GPC6: variants seen among roughly 807,000 people sequenced by gnomAD.
GPC6 encodes glypican-6.
Under a neutral mutation model 55.2 loss-of-function variants are expected in GPC6, and 14 were observed. That is an observed-to-expected ratio of 0.25 (90% CI 0.17 to 0.40). The LOEUF is 0.40. GPC6 is among the 10% of genes least tolerant of loss of function. The probability of loss-of-function intolerance (pLI) is 1.00; values close to 1 mark genes in which losing one functional copy is unlikely to be tolerated. For missense variants in GPC6, 641 were observed against 708.5 expected (o/e 0.90, Z 1.08); for synonymous variants, 278 against 259.6 (o/e 1.07, Z -0.68).
chr13:93,536,873 C>T (rs552785929), intron 1 of GPC6, among the ~76,000 whole-genome samples: 3 of 152,160 alleles, frequency 2.0e-5, no homozygotes, highest in Admixed American at 2.0e-4. Context: ...AGTTTATATA[C>T]ACACATGCAT....
intron 4 of GPC6, among the ~76,000 whole-genome samples, chr13:94,143,802 G>A (rs1197289510): frequency 1.3e-5 from 2 of 152,104 alleles, no homozygotes; most frequent in Non-Finnish European, 2.9e-5. Flanking sequence ...AATTGCTTGA[G>A]CAATTCTGAG....
intron 4 of GPC6, among the ~76,000 whole-genome samples, chr13:94,232,838 A>G (rs61964491): frequency 0.11 from 17,075 of 152,052 alleles, 1,460 homozygotes; most frequent in African/African-American, 0.24. Flanking sequence ...AGGAGTAGAA[A>G]GGACTCTAGT....
rs188629335 is a variant in GPC6 at position 93,597,911 on chromosome 13, C to T, written c.319+52490C>T. 1.8e-3 allele frequency among the ~76,000 whole-genome samples: 271 copies of T among 151,946 alleles called. 1 individual carries two copies. The highest frequency in any genetic ancestry group is 5.6e-3 in the African/African-American group (232 of 41,468). ...CTGTAATCCAAGCACTTTGGGAGGC[C>T]GAGGCAGGCGGACCAGGAGGTCAGG... is the stretch of plus-strand genomic sequence containing the variant. On this transcript the variant is annotated intron_variant, in intron 2 of 8. Transcript: ENST00000377047.
chr13:93,682,333 A>T (rs768385717), intron 2 of GPC6, among the ~76,000 whole-genome samples: 1 of 152,204 alleles, frequency 6.6e-6, no homozygotes, highest in Non-Finnish European at 1.5e-5. Flanking sequence ...CCTACCAGTG[A>T]TCCCACTGGG....
Position 93,541,635 on chromosome 13 carries a change from TC to T in GPC6, c.161-3625del, listed in dbSNP as rs555284110. Among the ~76,000 whole-genome samples, 750 of 119,918 alleles carry T rather than the reference TC, an allele frequency of 6.3e-3. 4 individuals carry two copies. The highest frequency in any genetic ancestry group is 0.022 in the African/African-American group (700 of 31,188). 78.7% of individuals were successfully genotyped at this position (119,918 alleles called of 152,430 possible). On this transcript the variant is annotated intron_variant, in intron 1 of 8. Coordinates refer to ENST00000377047, the MANE Select transcript of GPC6 (RefSeq NM_005708.5). ...CCACAATGGTTGAACTAGTTTACAGTCCCACCAACAGTGTAAAAGTGTTCCT... is the reference window on the plus strand; with the variant it reads ...CCACAATGGTTGAACTAGTTTACAGTCCACCAACAGTGTAAAAGTGTTCCT...
chr13:93,426,734 G>A (rs1265554496), intron 1 of GPC6, among the ~76,000 whole-genome samples: 3 of 152,080 alleles, frequency 2.0e-5, no homozygotes, highest in Non-Finnish European at 2.9e-5. Flanking sequence ...ATGATTTATA[G>A]TCCTTTGGGT....
intron 2 of GPC6, among the ~76,000 whole-genome samples, chr13:93,791,655 G>T (rs2138923363): frequency 6.6e-6 from 1 of 150,970 alleles, no homozygotes; most frequent in Non-Finnish European, 1.5e-5. Flanking sequence ...AAAACATCTT[G>T]AGTTATCTTA....
intron 1 of GPC6, among the ~76,000 whole-genome samples, chr13:93,340,478 A>T (rs984761310): frequency 6.6e-6 from 1 of 152,248 alleles, no homozygotes; most frequent in Admixed American, 6.5e-5. Flanking sequence ...TAAATAAAAG[A>T]AAGTAATTTT....
In GPC6 at chr13:93,516,492, C is replaced by T. The variant is rs11843472; in HGVS notation, c.161-28771C>T. 2.4e-3 allele frequency among the ~76,000 whole-genome samples: 371 copies of T among 152,146 alleles called. 1 individual carries two copies. Among genetic ancestry groups the T allele is most frequent in the African/African-American group, 8.8e-3 (364 of 41,520 alleles). Reference sequence around the variant, plus strand: ...AGTGGGGCACAGGTACAATTGGAAACAAGCTGTGAATACATTTTTCAAGAG... The same window carrying T: ...AGTGGGGCACAGGTACAATTGGAAATAAGCTGTGAATACATTTTTCAAGAG... On this transcript the variant is annotated intron_variant, in intron 1 of 8. Transcript: ENST00000377047.
chr13:93,720,881 T>C (rs1883433008), intron 2 of GPC6, among the ~76,000 whole-genome samples: 1 of 152,048 alleles, frequency 6.6e-6, no homozygotes, highest in Non-Finnish European at 1.5e-5. Flanking sequence ...CAGTTTTTAG[T>C]GAGTTTCTTA....
intron 4 of GPC6, among the ~76,000 whole-genome samples, chr13:94,224,339 T>C (rs1190563984): frequency 6.6e-6 from 1 of 150,714 alleles, no homozygotes; most frequent in Non-Finnish European, 1.5e-5. Context: ...AAAATAAAAA[T>C]ATAAAATATA....
chr13:93,231,982 A>G (rs776053485), intron 1 of GPC6, among the ~76,000 whole-genome samples: 2 of 152,192 alleles, frequency 1.3e-5, no homozygotes, highest in Non-Finnish European at 2.9e-5. Flanking sequence ...TTCAAAATAC[A>G]TAATGTTTCC....
intron 3 of GPC6, among the ~76,000 whole-genome samples, chr13:93,841,972 T>C (rs925064140): frequency 5.9e-5 from 9 of 152,172 alleles, no homozygotes; most frequent in Admixed American, 4.6e-4. Flanking sequence ...ATTTTTATAG[T>C]AGGTACAAAT....
intron 1 of GPC6, among the ~76,000 whole-genome samples, chr13:93,524,160 C>G (rs1483300383): frequency 6.6e-6 from 1 of 151,984 alleles, no homozygotes; most frequent in East Asian, 1.9e-4. Context: ...ATACCCAACT[C>G]TTTCAGGCAA....
At chr13:93,327,237 T>G (rs1879686552) in intron 1 of GPC6, among the ~76,000 whole-genome samples, 1 of 152,204 alleles carries the variant, frequency 6.6e-6, no homozygotes, top group South Asian at 2.1e-4. Flanking sequence ...TCATTTTATT[T>G]GTTCTAAGCA....
At chr13:93,302,215 G>A (rs1029851022) in intron 1 of GPC6, among the ~76,000 whole-genome samples, 1 of 152,120 alleles carries the variant, frequency 6.6e-6, no homozygotes, top group Non-Finnish European at 1.5e-5. Flanking sequence ...TAAAACGTGT[G>A]GGATCTGGTG....
chr13:93,285,704 A>G (rs1452063087), intron 1 of GPC6, among the ~76,000 whole-genome samples: 1 of 151,380 alleles, frequency 6.6e-6, no homozygotes, highest in Non-Finnish European at 1.5e-5. Flanking sequence ...TAATAATTAT[A>G]TCTTTTTAAA....
intron 2 of GPC6, among the ~76,000 whole-genome samples, chr13:93,662,939 G>A (rs1394608480): frequency 6.6e-6 from 1 of 152,036 alleles, no homozygotes; most frequent in Non-Finnish European, 1.5e-5. Context: ...AGTCAGGTGA[G>A]CATATCATTA....
chr13:93,554,696 T>TA (rs962863740), intron 2 of GPC6, among the ~76,000 whole-genome samples: 1 of 152,082 alleles, frequency 6.6e-6, no homozygotes, highest in East Asian at 1.9e-4. Context: ...TTAGCAAATG[T>TA]AAAAAAAGAG....
Sources: allele counts gnomAD v4.1 joint callset (sites outside exome capture counted in the v4.1 genomes callset), GRCh38; gene constraint gnomAD v4.1.1; transcripts MANE v1.5; gene names NCBI Gene and HGNC (gene_info 2026-07-23, HGNC 2026-07-21).